The following MAGI2 variants were observed in gnomAD, a reference collection of about 807,000 sequenced individuals.
MAGI2 encodes membrane-associated guanylate kinase, WW and PDZ domain-containing protein 2.
MAGI2 carries 35 observed loss-of-function variants against 133.3 expected under a neutral mutation model. The observed-to-expected ratio is 0.26, with a 90% confidence interval of 0.20 to 0.35. The LOEUF is 0.35. Among genes scored for constraint, MAGI2 ranks in the 10% least tolerant of loss-of-function variants. The pLI is 1.00. For missense variants in MAGI2, 1,636 were observed against 1,863.4 expected, an observed-to-expected ratio of 0.88 and a Z score of 2.25; for synonymous variants, 729 against 710.6, an observed-to-expected ratio of 1.03 and a Z score of -0.41.
At chr7:78,377,443 T>C (rs1794543187) in intron 6 of MAGI2, among the ~76,000 whole-genome samples, 1 of 151,608 alleles carries the variant, frequency 6.6e-6, no homozygotes. Context: ...AGAACACAAG[T>C]ATGAAGAATT....
At chr7:78,614,043 G>A (rs1008463751) in intron 3 of MAGI2, among the ~76,000 whole-genome samples, 1 of 152,026 alleles carries the variant, frequency 6.6e-6, no homozygotes. Flanking sequence ...CTGGGAGGCG[G>A]AGGTTGCAGT....
chr7:78,117,673 A>C (rs574767838), intron 20 of MAGI2, among the ~76,000 whole-genome samples: 172 of 152,246 alleles, frequency 1.1e-3, no homozygotes, highest in African/African-American at 4.0e-3. Flanking sequence ...CAAGCCAATG[A>C]AATTTAAAAA....
At chr7:79,246,580 AG>A (rs1282612160) in intron 1 of MAGI2, among the ~76,000 whole-genome samples, 4 of 152,214 alleles carry the variant, frequency 2.6e-5, no homozygotes, top group Non-Finnish European at 4.4e-5. Context: ...GCTTGAAGAC[AG>A]GCTATTTGAA....
intron 2 of MAGI2, among the ~76,000 whole-genome samples, chr7:78,934,988 C>A (rs1049086068): frequency 6.6e-6 from 1 of 152,120 alleles, no homozygotes; most frequent in Non-Finnish European, 1.5e-5. Context: ...CCTTATTCAG[C>A]TTGACTAAAG....
intron 3 of MAGI2, among the ~76,000 whole-genome samples, chr7:78,544,612 A>T (rs538147317): frequency 6.6e-6 from 1 of 152,348 alleles, no homozygotes; most frequent in South Asian, 2.1e-4. Flanking sequence ...TCTGCAGTCC[A>T]GTAGCATCAG....
intron 10 of MAGI2, among the ~76,000 whole-genome samples, chr7:78,222,895 G>C (rs1018631732): frequency 6.8e-6 from 1 of 147,880 alleles, no homozygotes; most frequent in South Asian, 2.1e-4. Flanking sequence ...TGAGTGAAAA[G>C]TGTAATGAAA....
At chr7:78,709,837 T>C (rs1819001442) in intron 2 of MAGI2, among the ~76,000 whole-genome samples, 1 of 152,168 alleles carries the variant, frequency 6.6e-6, no homozygotes, top group African/African-American at 2.4e-5. Context: ...GCCTGGTCTA[T>C]GTTTGTAGGA....
chr7:78,185,240 T>C (rs893647035), intron 13 of MAGI2, among the ~76,000 whole-genome samples: 1 of 152,194 alleles, frequency 6.6e-6, no homozygotes, highest in Non-Finnish European at 1.5e-5. Flanking sequence ...CAGTGTGGAT[T>C]TTACACATAT....
intron 21 of MAGI2, among the ~76,000 whole-genome samples, chr7:78,042,747 C>G (rs1430837867): frequency 1.3e-5 from 2 of 152,226 alleles, no homozygotes; most frequent in Non-Finnish European, 2.9e-5. Context: ...ACCTAACCTT[C>G]TGGAGGTGCT....
At chr7:78,626,390 T>C (rs758403061) in intron 3 of MAGI2, among the ~76,000 whole-genome samples, 1 of 152,172 alleles carries the variant, frequency 6.6e-6, no homozygotes, top group Non-Finnish European at 1.5e-5. Context: ...AATGCCATCA[T>C]TCCACTTTTA....
chr7:79,218,697 A>T (rs1176064314), intron 1 of MAGI2, among the ~76,000 whole-genome samples: 1 of 152,138 alleles, frequency 6.6e-6, no homozygotes, highest in East Asian at 1.9e-4. Context: ...GATTCAAAAT[A>T]TTCAGCTCAC....
intron 2 of MAGI2, among the ~76,000 whole-genome samples, chr7:78,864,694 C>T (rs147975287): frequency 3.8e-4 from 58 of 152,176 alleles, no homozygotes; most frequent in African/African-American, 1.3e-3. Flanking sequence ...TTTCATTTTG[C>T]TCTCATATAA....
intron 3 of MAGI2, among the ~76,000 whole-genome samples, chr7:78,569,832 C>T (rs73376301): frequency 0.016 from 2,495 of 152,272 alleles, 61 homozygotes; most frequent in African/African-American, 0.057. Context: ...ATGTTGATTC[C>T]TGCCACCACT....
intron 3 of MAGI2, among the ~76,000 whole-genome samples, chr7:78,539,029 T>C (rs1034806142): frequency 1.3e-5 from 2 of 152,190 alleles, no homozygotes; most frequent in African/African-American, 4.8e-5. Flanking sequence ...CAGTACTATG[T>C]TGAATAATGG....
intron 2 of MAGI2, among the ~76,000 whole-genome samples, chr7:78,745,709 G>T (rs1822864638): frequency 6.6e-6 from 1 of 152,130 alleles, no homozygotes; most frequent in Non-Finnish European, 1.5e-5. Flanking sequence ...TTTAATTAAA[G>T]ATATCACTTC....
rs1554310423 is a variant in MAGI2, at chr7:78,955,769, C to CCTTCTTTCT, written c.418+51320_418+51321insAGAAAGAAG. On this transcript the variant is annotated intron_variant, in intron 2 of 21. Coordinates refer to ENST00000354212, the MANE Select transcript of MAGI2 (RefSeq NM_012301.4). ...TCTTTCTTTCTTTCTTTCTTTCTTT[C>CCTTCTTTCT]TTTCTTTCTTTCTTTCTTTCATTTC... 2.6e-5 allele frequency among the ~76,000 whole-genome samples: 3 copies of CCTTCTTTCT among 116,770 alleles called. 1 individual carries two copies. Among genetic ancestry groups the CCTTCTTTCT allele is most frequent in the Non-Finnish European group, 5.3e-5 (3 of 56,178 alleles). The allele number at this position is 116,770 out of a possible 152,430, so 76.6% of individuals were successfully genotyped here.
intron 9 of MAGI2, among the ~76,000 whole-genome samples, chr7:78,297,150 CT>C (rs1797335656): frequency 6.6e-6 from 1 of 152,176 alleles, no homozygotes; most frequent in Non-Finnish European, 1.5e-5. Flanking sequence ...CACAAAGTGA[CT>C]TCCTTCCAAA....
At chr7:78,675,462 G>A (rs2151082789) in intron 2 of MAGI2, among the ~76,000 whole-genome samples, 1 of 152,198 alleles carries the variant, frequency 6.6e-6, no homozygotes, top group Non-Finnish European at 1.5e-5. Flanking sequence ...TTATCAAGAT[G>A]CGGAATTTAA....
chr7:79,309,180 T>C (rs560884066), intron 1 of MAGI2, among the ~76,000 whole-genome samples: 1 of 152,090 alleles, frequency 6.6e-6, no homozygotes, highest in Non-Finnish European at 1.5e-5. Context: ...TTCTAATGCA[T>C]TTCTCTTTTA....
Sources: gnomAD v4.1 joint callset for allele counts (sites outside exome capture counted in the v4.1 genomes callset) on GRCh38, gnomAD v4.1.1 for gene constraint, MANE v1.5 for transcripts, NCBI Gene and HGNC (gene_info 2026-07-23, HGNC 2026-07-21) for gene names.